The following ARVCF variants were observed in gnomAD, a reference collection of about 807,000 sequenced individuals.
ARVCF encodes the protein splicing regulator ARVCF.
In ARVCF, 66 loss-of-function variants were observed where a neutral mutation model predicts 90.9. The ratio of observed to expected loss-of-function variants is 0.73; its 90% CI spans 0.60 to 0.89. The LOEUF (loss-of-function observed/expected upper bound fraction) is 0.89, where lower values mean the gene tolerates loss of function less well. Among genes scored for constraint, ARVCF ranks in the 40% least tolerant of loss-of-function variants. ARVCF has a pLI of 0.00. For synonymous variants in ARVCF, 653 were observed against 603.4 expected (o/e 1.08, Z -1.21); for missense variants, 1,469 against 1,382.3 (o/e 1.06, Z -1.00).
rs369902981 is a variant in ARVCF, at chr22:19,982,009, T to C, written c.293A>G (p.Glu98Gly). The change falls in exon 4 of 20, where the codon GAG becomes GGG. Residue 98 changes from glutamate to glycine, a missense_variant. Physicochemically the swap from Glu to Gly is moderately conservative, Grantham distance 98. Transcript: ENST00000263207. ...ATGGGAAGTGGGTGTGCCGGGGTCC[T>C]CCTCCACCGTCACGGTCTCCTCCAG... ...DVLEETVTVE[E>G]DPGTPTSHVS... 8.7e-6 allele frequency: 14 copies of C among 1,612,726 alleles called. No homozygotes were observed. The African/African-American group carries it at 1.2e-4, about 14-fold the overall frequency.
At chr22:19,986,443 G>A (rs528108925) in intron 3 of ARVCF, among the ~76,000 whole-genome samples, 1 of 152,204 alleles carries the variant, frequency 6.6e-6, no homozygotes, top group Non-Finnish European at 1.5e-5. Flanking sequence ...AATGCTGAGA[G>A]GGGGAGGATC....
chr22:19,968,521 C>CCGGTCTG, downstream of ARVCF: 1 of 1,612,582 alleles, frequency 6.2e-7, no homozygotes, highest in Non-Finnish European at 8.5e-7. Context: ...CCCCCACCCC[C>CCGGTCTG]CGGTCTGTTT....
In ARVCF at chr22:19,973,608, C is replaced by T. The variant is rs373719952; in HGVS notation, c.2239+35G>A. The T allele has an allele frequency of 6.1e-5, 96 of 1,581,004 alleles. No individual in the cohort carries two copies. In the South Asian group the frequency reaches 8.1e-4, roughly 13 times the overall value. On this transcript the variant is annotated intron_variant, in intron 13 of 19. Coordinates refer to ENST00000263207, the MANE Select transcript of ARVCF (RefSeq NM_001670.3). ...GGACCCCAAAGCTGCAGGCACAGTT[C>T]GGTGCCCAGGCGTGGGCTTTGCAGG...
Position 19,979,726 on chromosome 22 carries a change from G to T in ARVCF, c.1396+17C>A, listed in dbSNP as rs1284172655. On this transcript the variant is annotated intron_variant, in intron 6 of 19. Transcript: ENST00000263207. ...TTCTCTTCCCAGGGGATGTGAGCAT[G>T]GCCAGGTCCCACTCACCAGTGACAA... The T allele has an allele frequency of 3.2e-6, 5 of 1,581,792 alleles. No homozygotes were observed. The highest frequency in any genetic ancestry group is 4.3e-6 in the Non-Finnish European group (5 of 1,159,740).
intron 16 of ARVCF, 88 bp from the exon 17 acceptor site, chr22:19,972,499 C>CCTAG (rs1264304014): frequency 6.6e-7 from 1 of 1,521,892 alleles, no homozygotes; most frequent in African/African-American, 1.4e-5. Flanking sequence ...CCCAGGTAGC[C>CCTAG]CTAGAGGCTC....
chr22:19,968,929 T>C (rs1215172915), downstream of ARVCF: 5 of 598,482 alleles, frequency 8.4e-6, no homozygotes, highest in Non-Finnish European at 1.5e-5. Context: ...GACTCAATCA[T>C]GACTTCTTTA....
In ARVCF at chr22:19,981,844, C is replaced by A. The variant is rs142645458; in HGVS notation, c.369+89G>T. ...CCCACTCGAGCAATGAGAGGCCCCA[C>A]GTGGCAAGCTTCCATGTCCACTCTG... On this transcript the variant is annotated intron_variant, in intron 4 of 19. Transcript: ENST00000263207. The A allele has an allele frequency of 6.7e-3, 10,403 of 1,556,462 alleles. 52 individuals carry two copies. The highest frequency in any genetic ancestry group is 8.1e-3 in the Non-Finnish European group (9,348 of 1,150,166).
rs937066674 is a variant in ARVCF at position 19,971,978 on chromosome 22, A to G, written c.2696-7T>C. ...TCCACCGTGGAGTATCCGTCTGTAGATGGGGTAAGGTGGGGCATGAGGGGC... is the reference window on the plus strand; with the variant it reads ...TCCACCGTGGAGTATCCGTCTGTAGGTGGGGTAAGGTGGGGCATGAGGGGC... On this transcript the variant is annotated splice_region_variant and splice_polypyrimidine_tract_variant and intron_variant, in intron 17 of 19. Transcript: ENST00000263207. The G allele has an allele frequency of 4.4e-6, 7 of 1,607,038 alleles. No homozygotes were observed. Among genetic ancestry groups the G allele is most frequent in the Non-Finnish European group, 5.9e-6 (7 of 1,176,880 alleles).
At chr22:19,997,896 C>T (rs1266218946) in intron 2 of ARVCF, among the ~76,000 whole-genome samples, 2 of 152,252 alleles carry the variant, frequency 1.3e-5, no homozygotes, top group Non-Finnish European at 2.9e-5. Flanking sequence ...CCGCAAGGTG[C>T]CGTGTGGCCC....
chr22:20,016,256 C>G (rs887904491), intron 1 of ARVCF, among the ~76,000 whole-genome samples: 15 of 151,878 alleles, frequency 9.9e-5, no homozygotes, highest in African/African-American at 3.1e-4. Context: ...GCGGGGCGGG[C>G]ACGGCTGCGG....
intron 14 of ARVCF, 36 bp downstream of exon 14, chr22:19,973,083 G>A (rs2240715): frequency 1.0e-5 from 14 of 1,371,192 alleles, no homozygotes; most frequent in East Asian, 2.6e-5. Flanking sequence ...CCCCACCTCC[G>A]CGGCTCCCCA....
At chr22:19,997,622 G>A (rs959313272) in intron 2 of ARVCF, among the ~76,000 whole-genome samples, 1 of 152,184 alleles carries the variant, frequency 6.6e-6, no homozygotes, top group African/African-American at 2.4e-5. Flanking sequence ...TGGCAGTGAG[G>A]GGCCACATTC....
At chr22:19,986,602 G>C (rs1057034424) in intron 3 of ARVCF, 56 of 154,872 alleles carry the variant, frequency 3.6e-4, no homozygotes, top group Admixed American at 1.3e-4. Context: ...GCCGGCGTAG[G>C]GGGTGTGGAG....
Position 19,981,527 on chromosome 22 carries a change from C to T in ARVCF, c.580G>A (p.Glu194Lys), listed in dbSNP as rs759993656. Residue 194 changes from glutamate to lysine, a missense_variant, in exon 5 of 20, where the codon GAG becomes AAG. Coordinates refer to ENST00000263207, the MANE Select transcript of ARVCF (RefSeq NM_001670.3). The stretch of plus-strand genomic sequence containing the variant: ...CCATAGCTGGGGCTGTCCCGGGGCT[C>T]GGGGCCTTCGGGAAAGCCACCCCCA... The part of the protein sequence containing the change: ...SSGGGFPEGP[E>K]PRDSPSYGSL... 6.3e-6 allele frequency: 10 copies of T among 1,577,488 alleles called. No homozygotes were observed. The highest frequency in any genetic ancestry group is 1.8e-5 in the Admixed American group (1 of 56,934).
intron 2 of ARVCF, among the ~76,000 whole-genome samples, chr22:20,007,230 T>C (rs1569195332): frequency 6.6e-6 from 1 of 151,930 alleles, no homozygotes; most frequent in Non-Finnish European, 1.5e-5. Context: ...ATCCCATCTC[T>C]ATTAAAAAAA....
At chr22:20,015,223 C>T (rs917256640) in intron 1 of ARVCF, among the ~76,000 whole-genome samples, 3 of 152,188 alleles carry the variant, frequency 2.0e-5, no homozygotes, top group South Asian at 2.1e-4. Flanking sequence ...AGTCCCTTAG[C>T]GAATGTTCTG....
chr22:19,973,152 C>G lies in ARVCF; in HGVS notation c.2405G>C (p.Gly802Ala), dbSNP rs1194257074. 2 of 1,609,884 alleles carry G rather than the reference C, an allele frequency of 1.2e-6. No individual in the cohort carries two copies. The highest frequency in any genetic ancestry group is 1.7e-6 in the Non-Finnish European group (2 of 1,178,816). Reference sequence around the variant, plus strand: ...CACGAGAGCCACCAACGCTGGCACCCCGCGTGCCTGCAGGAGCGAGCGCGC... The same window carrying G: ...CACGAGAGCCACCAACGCTGGCACCGCGCGTGCCTGCAGGAGCGAGCGCGC... ...DNARSLLQAR[G>A]VPALVALVAS... The change falls in exon 14 of 20, where the codon GGG becomes GCG. Residue 802 changes from glycine (G) to alanine (A), a missense_variant. By Grantham distance (60) the Gly-to-Ala change is moderately conservative. Coordinates refer to ENST00000263207, the MANE Select transcript of ARVCF (RefSeq NM_001670.3).
At chr22:20,007,944 G>C (rs1156238929) in intron 2 of ARVCF, among the ~76,000 whole-genome samples, 1 of 152,218 alleles carries the variant, frequency 6.6e-6, no homozygotes, top group African/African-American at 2.4e-5. Flanking sequence ...TAGAAGAAAA[G>C]ACAGGTGCAT....
intron 3 of ARVCF, among the ~76,000 whole-genome samples, chr22:19,985,679 A>G (rs1403453082): frequency 6.6e-6 from 1 of 152,028 alleles, no homozygotes; most frequent in African/African-American, 2.4e-5. Flanking sequence ...CCCTGGTCCC[A>G]TATTACTTAT....
Sources: allele counts gnomAD v4.1 joint callset (sites outside exome capture counted in the v4.1 genomes callset), GRCh38; gene constraint gnomAD v4.1.1; transcripts MANE v1.5; gene names NCBI Gene and HGNC (gene_info 2026-07-23, HGNC 2026-07-21).